PDS5B: variants seen among roughly 807,000 people sequenced by gnomAD.
PDS5B encodes the protein PDS5 cohesin associated factor B.
A neutral mutation model predicts 184.1 loss-of-function variants in PDS5B; 51 were observed. The observed-to-expected ratio is 0.28, with a 90% CI of 0.22 to 0.35. The LOEUF (loss-of-function observed/expected upper bound fraction) is 0.35, where lower values mean the gene tolerates loss of function less well. Among genes scored for constraint, PDS5B ranks in the 10% least tolerant of loss-of-function variants. The probability of loss-of-function intolerance (pLI) is 1.00; values close to 1 mark genes in which losing one functional copy is unlikely to be tolerated. For missense variants in PDS5B, 1,180 were observed against 1,723.3 expected (o/e 0.68, Z 5.58); for synonymous variants, 566 against 569.2 (o/e 0.99, Z 0.08).
intron 13 of PDS5B, chr13:32,691,272 TTG>T (rs773364814): frequency 7.9e-5 from 12 of 152,044 alleles, no homozygotes; most frequent in Admixed American, 2.0e-4. Context: ...GTATACAGTG[TTG>T]TGTGTCTTTT....
rs1954968209 is a variant in PDS5B at position 32,776,690 on chromosome 13, C to T, written c.*1638C>T. On this transcript the variant is annotated 3_prime_UTR_variant, in exon 35 of 35. Coordinates refer to ENST00000315596, the MANE Select transcript of PDS5B (RefSeq NM_015032.4). ...CACCATTATGTTTAAGATATATTTC[C>T]AAGATTGGTTATAATAGATGGGGCA... is the stretch of plus-strand genomic sequence containing the variant. 6.6e-6 allele frequency: 1 copy of T among 152,160 alleles called. No homozygotes were observed. The highest frequency in any genetic ancestry group is 2.1e-4 in the South Asian group (1 of 4,810). 9.4% of individuals were successfully genotyped at this position (152,160 alleles called of 1,614,324 possible).
chr13:32,707,308 A>G (rs553076351), intron 18 of PDS5B, among the ~76,000 whole-genome samples: 1 of 151,806 alleles, frequency 6.6e-6, no homozygotes, highest in African/African-American at 2.4e-5. Context: ...AGAAGGTACA[A>G]CTCTGCTGTA....
intron 19 of PDS5B, among the ~76,000 whole-genome samples, chr13:32,719,439 T>A (rs1336108507): frequency 2.6e-5 from 4 of 152,182 alleles, no homozygotes; most frequent in African/African-American, 4.8e-5. Context: ...TAGCTTGGCC[T>A]CCCAAAGTGT....
chr13:32,753,966 G>GT (rs1360814923), intron 25 of PDS5B, among the ~76,000 whole-genome samples: 1 of 152,114 alleles, frequency 6.6e-6, no homozygotes, highest in Non-Finnish European at 1.5e-5. Flanking sequence ...AGGTTAGTTG[G>GT]TGTGCCTCTT....
chr13:32,644,738 C>T (rs995623305), intron 1 of PDS5B, among the ~76,000 whole-genome samples: 2 of 152,172 alleles, frequency 1.3e-5, no homozygotes, highest in African/African-American at 4.8e-5. Context: ...GTTTACTAAA[C>T]TTGTTTCTTG....
intron 1 of PDS5B, among the ~76,000 whole-genome samples, chr13:32,602,341 T>C (rs137920495): frequency 2.7e-4 from 41 of 152,178 alleles, no homozygotes; most frequent in Middle Eastern, 6.8e-3. Context: ...AGTGAGAACA[T>C]GTGGTGTTTG....
At position 32,687,119 on chromosome 13, in the gene PDS5B, CT is replaced by C; in HGVS notation, c.1204-10del. ...AAGCCTTTTTACATTATAAATAAAA[CT>C]TTTTGTTTTTAAGTGGAGAGTACGC... On this transcript the variant is annotated splice_polypyrimidine_tract_variant and intron_variant, in intron 11 of 34. Transcript: ENST00000315596. The C allele has an allele frequency of 6.4e-7, 1 of 1,572,778 alleles. No homozygotes were observed. The highest frequency in any genetic ancestry group is 1.2e-5 in the South Asian group (1 of 83,174).
chr13:32,770,071 G>GTA, intron 31 of PDS5B, 50 bp from the exon 32 acceptor site: 2 of 1,506,816 alleles, frequency 1.3e-6, no homozygotes, highest in Non-Finnish European at 8.9e-7. Context: ...CTCAAAATAT[G>GTA]TATACTCACA....
At chr13:32,701,148 T>C in intron 16 of PDS5B, 175 bp from the exon 17 acceptor site, 1 of 498,980 alleles carries the variant, frequency 2.0e-6, no homozygotes. Flanking sequence ...AAATATTACC[T>C]TTTTCATATG....
chr13:32,605,826 GTCT>G (rs2058051817), intron 1 of PDS5B, among the ~76,000 whole-genome samples: 4 of 151,668 alleles, frequency 2.6e-5, no homozygotes, highest in African/African-American at 9.7e-5. Context: ...TTATTTAATG[GTCT>G]TCTTTGTCTC....
At chr13:32,748,844 T>TCCTGG (rs746803505) in intron 24 of PDS5B, among the ~76,000 whole-genome samples, 7 of 152,154 alleles carry the variant, frequency 4.6e-5, no homozygotes, top group Admixed American at 1.3e-4. Flanking sequence ...TCTTGGCTTG[T>TCCTGG]CCTTGCACCT....
At chr13:32,701,560 G>A (rs1269835933) in intron 17 of PDS5B, 122 bp downstream of exon 17, 4 of 584,820 alleles carry the variant, frequency 6.8e-6, no homozygotes, top group East Asian at 5.8e-5. Context: ...GTACTCCTCT[G>A]TATATACTCC....
At chr13:32,657,755 A>G (rs1950551671) in intron 3 of PDS5B, among the ~76,000 whole-genome samples, 1 of 152,180 alleles carries the variant, frequency 6.6e-6, no homozygotes, top group Non-Finnish European at 1.5e-5. Context: ...GATTGGTAGG[A>G]AGCTTGACAA....
intron 3 of PDS5B, among the ~76,000 whole-genome samples, chr13:32,655,682 T>G (rs1347078020): frequency 6.6e-6 from 1 of 151,948 alleles, no homozygotes; most frequent in Non-Finnish European, 1.5e-5. Context: ...GCCCTCTTTT[T>G]AATGGGATTG....
chr13:32,616,347 G>A (rs1318203101), intron 1 of PDS5B, among the ~76,000 whole-genome samples: 1 of 151,816 alleles, frequency 6.6e-6, no homozygotes, highest in Non-Finnish European at 1.5e-5. Flanking sequence ...GAGCCACTGC[G>A]CCTGGCCCCT....
intron 8 of PDS5B, among the ~76,000 whole-genome samples, chr13:32,673,622 A>C (rs980764438): frequency 6.6e-6 from 1 of 152,180 alleles, no homozygotes; most frequent in Non-Finnish European, 1.5e-5. Context: ...GGATTTGACT[A>C]ACTTTTGAAG....
intron 6 of PDS5B, among the ~76,000 whole-genome samples, chr13:32,667,484 GT>G (rs1241961476): frequency 6.6e-6 from 1 of 152,104 alleles, no homozygotes; most frequent in African/African-American, 2.4e-5. Flanking sequence ...TAGATCTAGA[GT>G]GACTCTATCT....
chr13:32,628,354 C>T (rs543682669), intron 1 of PDS5B, among the ~76,000 whole-genome samples: 8 of 151,914 alleles, frequency 5.3e-5, no homozygotes, highest in East Asian at 3.9e-4. Context: ...GTCAGGAGTT[C>T]GAGACCACCC....
chr13:32,724,026 C>G (rs1005031988), intron 19 of PDS5B, among the ~76,000 whole-genome samples: 6 of 152,216 alleles, frequency 3.9e-5, no homozygotes, highest in Non-Finnish European at 8.8e-5. Context: ...GAAGGCAAAT[C>G]CCAGATACTG....
Sources: allele counts gnomAD v4.1 joint callset (sites outside exome capture counted in the v4.1 genomes callset), GRCh38; gene constraint gnomAD v4.1.1; transcripts MANE v1.5; gene names NCBI Gene and HGNC (gene_info 2026-07-23, HGNC 2026-07-21).